Variants in GRIN2A observed in about 807,000 individuals in gnomAD.
GRIN2A encodes the protein glutamate receptor ionotropic, NMDA 2A.
A neutral mutation model predicts 113.4 loss-of-function variants in GRIN2A; 22 were observed. The observed-to-expected ratio is 0.19, with a 90% confidence interval of 0.14 to 0.28. The LOEUF is 0.28. Ranked by LOEUF, GRIN2A falls within the 10% of genes least tolerant of loss-of-function variation. The probability of loss-of-function intolerance (pLI) is 1.00; values close to 1 mark genes in which losing one functional copy is unlikely to be tolerated. For synonymous variants in GRIN2A, 827 were observed against 738.4 expected (o/e 1.12, Z -1.94); for missense variants, 1,502 against 1,887.0 (o/e 0.80, Z 3.78).
At position 10,157,142 on chromosome 16, in the gene GRIN2A, T is replaced by G. The variant is rs144458287; in HGVS notation, c.414+22856A>C. 6.0e-3 allele frequency among the ~76,000 whole-genome samples: 908 copies of G among 152,212 alleles called. 4 individuals carry two copies. Among genetic ancestry groups the G allele is most frequent in the Middle Eastern group, 0.051 (15 of 294 alleles). On this transcript the variant is annotated intron_variant, in intron 2 of 12. Transcript: ENST00000330684. ...CGTATAAGCAGGAAACTCAGAAGACTGGAATCAAAGCTCAGGTGGAAGGTG... is the reference window on the plus strand; with the variant it reads ...CGTATAAGCAGGAAACTCAGAAGACGGGAATCAAAGCTCAGGTGGAAGGTG...
chr16:10,182,907 G>A (rs1304289321), upstream of GRIN2A, among the ~76,000 whole-genome samples: 1 of 152,198 alleles, frequency 6.6e-6, no homozygotes, highest in East Asian at 1.9e-4. Flanking sequence ...GTGTGTGTGA[G>A]TGTGGGAGCG....
chr16:10,082,934 T>C (rs1374131112), intron 2 of GRIN2A, among the ~76,000 whole-genome samples: 2 of 60,894 alleles, frequency 3.3e-5, no homozygotes, highest in African/African-American at 8.7e-5. Context: ...CCATTTTCTT[T>C]TCCTGTCATT....
chr16:10,068,636 A>G (rs774906998), intron 2 of GRIN2A, among the ~76,000 whole-genome samples: 6 of 152,218 alleles, frequency 3.9e-5, no homozygotes, highest in South Asian at 2.1e-4. Context: ...TTACAATTCA[A>G]CGTAAGATTT....
chr16:9,798,256 AG>A lies in GRIN2A; in HGVS notation c.2356+20del, dbSNP rs1567305177. On this transcript the variant is annotated intron_variant, in intron 11 of 12. Transcript: ENST00000330684. The stretch of plus-strand genomic sequence containing the variant: ...GAGGGTCTCAAGTCCCCCTAAAGAA[AG>A]GGGTCACCCGGGGTCTTACCATCAC... 2.5e-6 allele frequency: 4 copies of A among 1,608,236 alleles called. No individual in the cohort carries two copies. The highest frequency in any genetic ancestry group is 3.4e-6 in the Non-Finnish European group (4 of 1,175,296).
At chr16:9,914,562 C>G (rs1197671654) in intron 3 of GRIN2A, among the ~76,000 whole-genome samples, 3 of 152,174 alleles carry the variant, frequency 2.0e-5, no homozygotes, top group African/African-American at 7.2e-5. Context: ...TGCACAAGTT[C>G]TGAAACTATC....
intron 3 of GRIN2A, among the ~76,000 whole-genome samples, chr16:9,928,522 T>G (rs1470374173): frequency 1.3e-5 from 2 of 151,280 alleles, no homozygotes; most frequent in African/African-American, 4.9e-5. Context: ...AAAACAGAGG[T>G]TTTCCCCCTG....
chr16:9,913,394 C>T (rs2044182697), intron 3 of GRIN2A, among the ~76,000 whole-genome samples: 1 of 152,176 alleles, frequency 6.6e-6, no homozygotes, highest in Non-Finnish European at 1.5e-5. Flanking sequence ...AGATTCTATT[C>T]CAGGGACCTT....
At chr16:10,054,771 G>T (rs13335102) in intron 2 of GRIN2A, among the ~76,000 whole-genome samples, 1 of 151,858 alleles carries the variant, frequency 6.6e-6, no homozygotes, top group African/African-American at 2.4e-5. Context: ...ATTTGGGCCA[G>T]GCGCAGTGGC....
intron 2 of GRIN2A, among the ~76,000 whole-genome samples, chr16:10,051,955 T>A (rs1416541218): frequency 6.6e-6 from 1 of 152,222 alleles, no homozygotes; most frequent in African/African-American, 2.4e-5. Flanking sequence ...ATTTGTCAGA[T>A]CACTGTCACA....
intron 8 of GRIN2A, among the ~76,000 whole-genome samples, chr16:9,833,859 A>G (rs1425976912): frequency 6.6e-6 from 1 of 152,130 alleles, no homozygotes; most frequent in Non-Finnish European, 1.5e-5. Flanking sequence ...AGCTGGTATT[A>G]CAGGTGTGTG....
chr16:10,056,895 G>C (rs1399935140), intron 2 of GRIN2A, among the ~76,000 whole-genome samples: 1 of 152,118 alleles, frequency 6.6e-6, no homozygotes, highest in Non-Finnish European at 1.5e-5. Flanking sequence ...GAGCCACGAA[G>C]TTTGCAGGAC....
chr16:10,063,278 G>C (rs765381390), intron 2 of GRIN2A, among the ~76,000 whole-genome samples: 4 of 152,186 alleles, frequency 2.6e-5, no homozygotes, highest in Admixed American at 1.3e-4. Context: ...TCACTACTTG[G>C]ATGATGGGAC....
chr16:10,139,011 G>A (rs1320293851), intron 2 of GRIN2A, among the ~76,000 whole-genome samples: 2 of 152,194 alleles, frequency 1.3e-5, no homozygotes, highest in East Asian at 3.8e-4. Context: ...TAAGAAAACT[G>A]AAAAAGAACA....
intron 9 of GRIN2A, among the ~76,000 whole-genome samples, chr16:9,825,518 T>A (rs1213119325): frequency 6.6e-6 from 1 of 152,172 alleles, no homozygotes; most frequent in Non-Finnish European, 1.5e-5. Flanking sequence ...CACTTGGAGA[T>A]AAAATTTCCA....
chr16:9,905,284 AG>A (rs1297933363), intron 3 of GRIN2A, among the ~76,000 whole-genome samples: 2 of 152,246 alleles, frequency 1.3e-5, no homozygotes, highest in East Asian at 3.8e-4. Context: ...GAACATTAGG[AG>A]GGGGACCTGA....
chr16:9,760,044 A>G lies in GRIN2A; in HGVS notation c.*3105T>C. ...GGTCCTTCTCAAGTGGGGAAAACCAATTAGAATTAACAAAATATCATTATG... is the reference window on the plus strand; with the variant it reads ...GGTCCTTCTCAAGTGGGGAAAACCAGTTAGAATTAACAAAATATCATTATG... On this transcript the variant is annotated 3_prime_UTR_variant, in exon 13 of 13. Transcript: ENST00000330684. 4.4e-6 allele frequency: 1 copy of G among 229,742 alleles called. No individual in the cohort carries two copies. The highest frequency in any genetic ancestry group is 5.7e-5 in the Admixed American group (1 of 17,662). 14.2% of individuals were successfully genotyped at this position (229,742 alleles called of 1,614,324 possible).
chr16:9,799,791 ATT>A (rs2141235625), intron 10 of GRIN2A, among the ~76,000 whole-genome samples: 1 of 152,230 alleles, frequency 6.6e-6, no homozygotes, highest in East Asian at 1.9e-4. Flanking sequence ...ACTTATTTTT[ATT>A]GAGGTATAAC....
intron 2 of GRIN2A, among the ~76,000 whole-genome samples, chr16:10,176,980 G>A (rs927086023): frequency 5.3e-5 from 8 of 152,178 alleles, no homozygotes; most frequent in Non-Finnish European, 8.8e-5. Flanking sequence ...TATAACACAC[G>A]TGTGTTCTGG....
At position 9,763,778 on chromosome 16, in the gene GRIN2A, C is replaced by T. The variant is rs866748846; in HGVS notation, c.3766G>A (p.Glu1256Lys). The change falls in exon 13 of 13, where the codon GAG becomes AAG. Residue 1256 changes from glutamate (E) to lysine (K), a missense_variant. Glu to Lys is a moderately conservative substitution (Grantham distance 56). This residue lies in a region of GRIN2A where 832 missense variants were observed against 789.7 expected (regional missense o/e 1.05). Transcript: ENST00000330684. ...YDIDEDQMLQ[E>K]TGNPATGEQV... ...TCCCCGGTGGCTGGGTTACCTGTCT[C>T]CTGAAGCATCTGGTCTTCATCGATG... is the stretch of plus-strand genomic sequence containing the variant. The T allele has an allele frequency of 1.2e-6, 2 of 1,614,144 alleles. No individual in the cohort carries two copies. The highest frequency in any genetic ancestry group is 1.6e-4 in the Middle Eastern group (1 of 6,062).
Sources: allele counts gnomAD v4.1 joint callset (sites outside exome capture counted in the v4.1 genomes callset), GRCh38; gene constraint gnomAD v4.1.1; regional missense constraint gnomAD v4.1.1; transcripts MANE v1.5; gene names NCBI Gene and HGNC (gene_info 2026-07-23, HGNC 2026-07-21).